Variants in AGBL4 observed in about 807,000 individuals in gnomAD.
The protein encoded by AGBL4 is AGBL carboxypeptidase 4, also known as cytosolic carboxypeptidase 6.
In AGBL4, 58 loss-of-function variants were observed where a neutral mutation model predicts 66.4. The observed-to-expected ratio is 0.87, with a 90% CI of 0.71 to 1.09. The LOEUF (loss-of-function observed/expected upper bound fraction) is 1.09. AGBL4 is among the 50% of genes least tolerant of loss of function. The pLI is 0.00. For missense variants in AGBL4, 579 were observed against 631.0 expected, an observed-to-expected ratio of 0.92 and a Z score of 0.88; for synonymous variants, 234 against 222.9, an observed-to-expected ratio of 1.05 and a Z score of -0.44.
chr1:49,107,869 C>A (rs750348598), intron 4 of AGBL4, among the ~76,000 whole-genome samples: 16 of 152,020 alleles, frequency 1.1e-4, no homozygotes, highest in Admixed American at 5.9e-4. Context: ...ATTCAGAATA[C>A]AAAAATTTAC....
intron 4 of AGBL4, among the ~76,000 whole-genome samples, chr1:49,070,236 C>T (rs932275867): frequency 5.3e-5 from 8 of 151,880 alleles, no homozygotes; most frequent in African/African-American, 9.7e-5. Context: ...TTTCTCCTGC[C>T]TGATTGCCCT....
chr1:49,123,066 G>A (rs1455377185), intron 4 of AGBL4, among the ~76,000 whole-genome samples: 1 of 152,038 alleles, frequency 6.6e-6, no homozygotes, highest in African/African-American at 2.4e-5. Context: ...TGTTGGCCAG[G>A]CTGGTCTCAA....
At chr1:49,016,877 T>G (rs1485726717) in intron 5 of AGBL4, among the ~76,000 whole-genome samples, 1 of 152,190 alleles carries the variant, frequency 6.6e-6, no homozygotes, top group Non-Finnish European at 1.5e-5. Flanking sequence ...ACACATGGAC[T>G]CACACAGTCC....
At chr1:49,168,283 C>T (rs78007851) in intron 4 of AGBL4, among the ~76,000 whole-genome samples, 4,363 of 152,224 alleles carry the variant, frequency 0.029, 221 homozygotes, top group African/African-American at 0.099. Context: ...AGTAGAATTG[C>T]TGGCTATTAA....
intron 2 of AGBL4, among the ~76,000 whole-genome samples, chr1:49,703,486 C>A (rs1647138963): frequency 2.0e-5 from 3 of 150,912 alleles, no homozygotes; most frequent in Non-Finnish European, 1.5e-5. Flanking sequence ...TCAGTAGATG[C>A]TGAAAAAACA....
chr1:49,279,322 A>G (rs1242351401), intron 3 of AGBL4, among the ~76,000 whole-genome samples: 1 of 152,346 alleles, frequency 6.6e-6, no homozygotes, highest in African/African-American at 2.4e-5. Context: ...GATTAGGATG[A>G]CAAAGCCAGG....
chr1:49,731,530 T>A (rs1213495170), intron 2 of AGBL4, among the ~76,000 whole-genome samples: 1 of 152,166 alleles, frequency 6.6e-6, no homozygotes, highest in East Asian at 1.9e-4. Context: ...GCTTCTGTTT[T>A]AAATACGTTA....
chr1:48,811,689 T>A (rs768316272), intron 6 of AGBL4, among the ~76,000 whole-genome samples: 1 of 51,354 alleles, frequency 1.9e-5, no homozygotes, highest in African/African-American at 4.2e-5. Flanking sequence ...TCTTCTTGAT[T>A]CTACTCTGTC....
intron 9 of AGBL4, among the ~76,000 whole-genome samples, chr1:48,595,934 G>A (rs745363487): frequency 3.3e-5 from 5 of 152,238 alleles, no homozygotes; most frequent in African/African-American, 4.8e-5. Flanking sequence ...AGGAAGGACA[G>A]AGGAGTTTTA....
intron 6 of AGBL4, among the ~76,000 whole-genome samples, chr1:48,686,706 A>G (rs1486014834): frequency 6.6e-6 from 1 of 152,344 alleles, no homozygotes; most frequent in East Asian, 1.9e-4. Context: ...TTTGGTGGAC[A>G]TGGCCTCTAG....
chr1:49,898,906 GGA>G (rs1250582188), intron 1 of AGBL4, among the ~76,000 whole-genome samples: 1 of 152,082 alleles, frequency 6.6e-6, no homozygotes, highest in Non-Finnish European at 1.5e-5. Context: ...TTTGTGTGTG[GGA>G]GCTAAAAATT....
intron 3 of AGBL4, among the ~76,000 whole-genome samples, chr1:49,273,920 G>A (rs1644114005): frequency 6.6e-6 from 1 of 152,016 alleles, no homozygotes; most frequent in Admixed American, 6.6e-5. Flanking sequence ...CTGACCTCAT[G>A]ATCCGCCTGC....
At chr1:48,802,267 C>A (rs116632409) in intron 6 of AGBL4, among the ~76,000 whole-genome samples, 70 of 152,290 alleles carry the variant, frequency 4.6e-4, no homozygotes, top group African/African-American at 1.7e-3. Context: ...CTGGCTAAGT[C>A]TTTCTTAACC....
At chr1:49,476,376 C>G (rs1160589802) in intron 3 of AGBL4, among the ~76,000 whole-genome samples, 2 of 151,938 alleles carry the variant, frequency 1.3e-5, no homozygotes. Context: ...CAACGTACAT[C>G]TTGAGGTTGT....
At chr1:49,910,199 TCAA>T (rs1008233815) in intron 1 of AGBL4, among the ~76,000 whole-genome samples, 7 of 152,044 alleles carry the variant, frequency 4.6e-5, no homozygotes, top group African/African-American at 1.7e-4. Flanking sequence ...AAGTGAAACA[TCAA>T]CAACAACAAC....
intron 4 of AGBL4, among the ~76,000 whole-genome samples, chr1:49,185,294 C>T (rs1646996199): frequency 6.6e-6 from 1 of 152,192 alleles, no homozygotes; most frequent in Non-Finnish European, 1.5e-5. Context: ...GCAGAAATGC[C>T]TTGCCAGAGA....
chr1:48,821,050 G>A (rs1646300797), intron 6 of AGBL4, among the ~76,000 whole-genome samples: 1 of 152,098 alleles, frequency 6.6e-6, no homozygotes, highest in South Asian at 2.1e-4. Context: ...AAACCACATT[G>A]AGATATCATC....
intron 1 of AGBL4, among the ~76,000 whole-genome samples, chr1:49,936,297 A>C (rs1654007787): frequency 6.6e-6 from 1 of 152,148 alleles, no homozygotes; most frequent in African/African-American, 2.4e-5. Context: ...AAAAAGAATA[A>C]AAAGAAACGA....
chr1:49,809,393 C>G (rs1645049091), intron 2 of AGBL4, among the ~76,000 whole-genome samples: 2 of 149,430 alleles, frequency 1.3e-5, no homozygotes, highest in African/African-American at 4.9e-5. Context: ...TCTTAAGAAC[C>G]AAAAATGGTG....
Sources: allele counts gnomAD v4.1 joint callset (sites outside exome capture counted in the v4.1 genomes callset), GRCh38; gene constraint gnomAD v4.1.1; transcripts MANE v1.5; gene names NCBI Gene and HGNC (gene_info 2026-07-23, HGNC 2026-07-21).